The following LITAF variants were observed in gnomAD, a reference collection of about 807,000 sequenced individuals.
The protein encoded by LITAF is lipopolysaccharide induced TNF factor.
In LITAF, 9 loss-of-function variants were observed where a neutral mutation model predicts 14.5. That is an observed-to-expected ratio of 0.62 (90% CI 0.37 to 1.08). The LOEUF (loss-of-function observed/expected upper bound fraction) is 1.08, where lower values mean the gene tolerates loss of function less well. Among genes scored for constraint, LITAF ranks in the 50% least tolerant of loss-of-function variants. LITAF has a pLI of 0.01. For synonymous variants in LITAF, 98 were observed against 88.2 expected (o/e 1.11, Z -0.62); for missense variants, 206 against 213.4 (o/e 0.97, Z 0.22).
At chr16:11,600,240 G>A (rs2064918629), upstream of LITAF, among the ~76,000 whole-genome samples, 1 of 152,198 alleles carries the variant, frequency 6.6e-6, no homozygotes. This position sits in a 1 kb window ranked among gnomAD's most constrained non-coding sequence, Gnocchi z 4.1. Flanking sequence ...CTGGCCTCAA[G>A]CACTGGGATT....
chr16:11,568,139 T>C (rs58336892), intron 1 of LITAF, among the ~76,000 whole-genome samples: 26,307 of 151,446 alleles, frequency 0.17, 2,551 homozygotes, highest in Non-Finnish European at 0.2. Context: ...AAGACAAAAA[T>C]TAGCCAGGAG....
intron 1 of LITAF, among the ~76,000 whole-genome samples, chr16:11,593,766 T>G (rs8045921): frequency 0.42 from 64,010 of 152,096 alleles, 14,596 homozygotes; most frequent in African/African-American, 0.6. Flanking sequence ...ACATATCTAT[T>G]ATTCCATTTA....
At chr16:11,584,570 C>A (rs2064781915) in intron 1 of LITAF, among the ~76,000 whole-genome samples, 1 of 152,204 alleles carries the variant, frequency 6.6e-6, no homozygotes, top group South Asian at 2.1e-4. Flanking sequence ...CTGAGACCCT[C>A]CTGTTTGTCT....
At chr16:11,552,972 G>T (rs983538778) in intron 3 of LITAF, among the ~76,000 whole-genome samples, 20 of 151,004 alleles carry the variant, frequency 1.3e-4, no homozygotes, top group Middle Eastern at 3.5e-3. Flanking sequence ...AATATTAGCC[G>T]GGCCTGACGG....
intron 3 of LITAF, among the ~76,000 whole-genome samples, chr16:11,625,452 A>G (rs1224441525): frequency 1.3e-5 from 2 of 151,970 alleles, no homozygotes; most frequent in South Asian, 2.1e-4. Context: ...TAGTGGAGAC[A>G]GGGTTTCGCC....
At chr16:11,574,010 G>A (rs66719965) in intron 1 of LITAF, among the ~76,000 whole-genome samples, 2 of 120,616 alleles carry the variant, frequency 1.7e-5, no homozygotes, top group Non-Finnish European at 4.1e-5. Flanking sequence ...CGTTTTTTTG[G>A]TTTTTTTTTT....
intron 3 of LITAF, among the ~76,000 whole-genome samples, chr16:11,616,707 A>T (rs1476350253): frequency 1.3e-5 from 2 of 151,912 alleles, no homozygotes; most frequent in Non-Finnish European, 2.9e-5. Flanking sequence ...AAACATCAAA[A>T]GATGCCCGGA....
chr16:11,584,585 T>C (rs2064782011), intron 1 of LITAF, among the ~76,000 whole-genome samples: 1 of 152,212 alleles, frequency 6.6e-6, no homozygotes, highest in Admixed American at 6.5e-5. Context: ...TTGTCTGAAC[T>C]ATGTCCTCAT....
chr16:11,595,805 T>C (rs1266464772), intron 1 of LITAF, among the ~76,000 whole-genome samples: 4 of 152,186 alleles, frequency 2.6e-5, no homozygotes, highest in Non-Finnish European at 5.9e-5. Flanking sequence ...TGCAGAGAAG[T>C]AGCAAATGCC....
At chr16:11,574,128 A>G (rs2064592071) in intron 1 of LITAF, among the ~76,000 whole-genome samples, 1 of 151,726 alleles carries the variant, frequency 6.6e-6, no homozygotes, top group Non-Finnish European at 1.5e-5. Flanking sequence ...TGCAGCCTGG[A>G]GCTCCCAGGC....
chr16:11,638,701 CAAAAAAAAAAAAAAAAAAAA>C (rs57170972), upstream of LITAF, among the ~76,000 whole-genome samples: 39 of 75,964 alleles, frequency 5.1e-4, no homozygotes, highest in South Asian at 2.7e-3. Context: ...GACTCTGTCT[CAAAAAAAAAAAAAAAAAAAA>C]AAAAAAAAAA....
chr16:11,556,783 C>A (rs770667765), intron 1 of LITAF, 48 bp from the exon 2 acceptor site: 1 of 1,480,660 alleles, frequency 6.8e-7, no homozygotes, highest in Non-Finnish European at 9.4e-7. Flanking sequence ...GTTGATCTCT[C>A]CCTCTCTTTT....
chr16:11,624,650 C>A (rs1014335201), intron 3 of LITAF, among the ~76,000 whole-genome samples: 1 of 152,156 alleles, frequency 6.6e-6, no homozygotes, highest in African/African-American at 2.4e-5. Context: ...TCACTATCAC[C>A]CTATGTTTAC....
At chr16:11,557,813 A>T (rs2064297944) in intron 1 of LITAF, among the ~76,000 whole-genome samples, 1 of 152,212 alleles carries the variant, frequency 6.6e-6, no homozygotes, top group South Asian at 2.1e-4. Context: ...TTGAAAAATG[A>T]GCACCAGAGC....
At chr16:11,619,795 A>G (rs971828227) in intron 3 of LITAF, among the ~76,000 whole-genome samples, 2 of 151,600 alleles carry the variant, frequency 1.3e-5, no homozygotes, top group Admixed American at 1.3e-4. Context: ...CTGGTCTTCA[A>G]CTCCTGGCCT....
At chr16:11,550,849 C>T (rs2064171739) in intron 3 of LITAF, among the ~76,000 whole-genome samples, 1 of 152,194 alleles carries the variant, frequency 6.6e-6, no homozygotes, top group Non-Finnish European at 1.5e-5. Context: ...CTGCTCAACT[C>T]TGCCCTTGGA....
chr16:11,584,993 A>C (rs1020244668), intron 1 of LITAF, among the ~76,000 whole-genome samples: 1 of 152,216 alleles, frequency 6.6e-6, no homozygotes, highest in Non-Finnish European at 1.5e-5. Context: ...GGATCACTAG[A>C]GGTCAGAAGT....
intron 1 of LITAF, among the ~76,000 whole-genome samples, chr16:11,569,402 G>A (rs2064507373): frequency 6.6e-6 from 1 of 152,042 alleles, no homozygotes; most frequent in African/African-American, 2.4e-5. Flanking sequence ...CACCATGCCT[G>A]GCTAATTTTT....
In LITAF at chr16:11,549,497, T is replaced by C; in HGVS notation, c.*140A>G. 2 of 710,896 alleles carry C rather than the reference T, an allele frequency of 2.8e-6. No individual in the cohort carries two copies. Among genetic ancestry groups the C allele is most frequent in the Non-Finnish European group, 5.1e-6 (2 of 392,408 alleles). 44.0% of individuals were successfully genotyped at this position (710,896 alleles called of 1,614,324 possible). ...GGAGATTTGTTAGTTTTGCGACGTA[T>C]TCCCCCCAAAAGAAGACATGAAGGT... On this transcript the variant is annotated 3_prime_UTR_variant, in exon 4 of 4. Transcript: ENST00000622633. This position sits in a 1 kb window ranked among gnomAD's most constrained non-coding sequence, Gnocchi z 4.6.
Sources: allele counts gnomAD v4.1 joint callset (sites outside exome capture counted in the v4.1 genomes callset), GRCh38; gene constraint gnomAD v4.1.1; non-coding constraint Gnocchi (gnomAD v3.1); transcripts MANE v1.5; gene names NCBI Gene and HGNC (gene_info 2026-07-23, HGNC 2026-07-21).